TRPC5: variants seen among roughly 807,000 people sequenced by gnomAD.
TRPC5 encodes transient receptor potential cation channel subfamily C member 5, also known as short transient receptor potential channel 5.
A neutral mutation model predicts 56.5 loss-of-function variants in TRPC5; 9 were observed. That is an observed-to-expected ratio of 0.16 (90% CI 0.10 to 0.28). The LOEUF (loss-of-function observed/expected upper bound fraction) is 0.28. Among genes scored for constraint, TRPC5 ranks in the 10% least tolerant of loss-of-function variants. The probability of loss-of-function intolerance (pLI) is 1.00; values close to 1 mark genes in which losing one functional copy is unlikely to be tolerated. For synonymous variants in TRPC5, 282 were observed against 278.5 expected (o/e 1.01, Z -0.13); for missense variants, 469 against 748.9 (o/e 0.63, Z 4.36).
chrX:111,796,073 TG>T (rs1921081275), intron 7 of TRPC5, among the ~76,000 whole-genome samples: 1 of 112,283 alleles, frequency 8.9e-6, no homozygotes, highest in South Asian at 3.7e-4. Flanking sequence ...GTTGATTCTT[TG>T]TGTCAGTTCA....
At position 111,940,758 on chromosome X, in the gene TRPC5, G is replaced by T. The variant is rs1926755783; in HGVS notation, c.378+11285C>A. On this transcript the variant is annotated intron_variant, in intron 2 of 10. Transcript: ENST00000262839. The stretch of plus-strand genomic sequence containing the variant: ...ATGAGGTTATTCTTTTTCTCTAGCA[G>T]CTAAACAAGCACTGGGCTTGAGATA... 2.8e-5 allele frequency among the ~76,000 whole-genome samples: 3 copies of T among 107,027 alleles called. No homozygotes were observed. In the Admixed American group the frequency reaches 3.0e-4, roughly 11 times the overall value. 92.9% of individuals were successfully genotyped at this position (107,027 alleles called of 115,157 possible). A position where few individuals can be genotyped will look rare whatever the true frequency, so the allele number is the denominator to read the frequency against.
At chrX:111,958,842 T>G (rs1368220205) in intron 1 of TRPC5, among the ~76,000 whole-genome samples, 1 of 112,332 alleles carries the variant, frequency 8.9e-6, no homozygotes, top group Non-Finnish European at 1.9e-5. Context: ...CAAGTGATGC[T>G]CAATAAAATT....
At position 111,930,561 on chromosome X, in the gene TRPC5, G is replaced by A. The variant is rs181815563; in HGVS notation, c.379-17749C>T. 4.3e-3 allele frequency among the ~76,000 whole-genome samples: 475 copies of A among 110,861 alleles called. 1 individual carries two copies. The highest frequency in any genetic ancestry group is 6.4e-3 in the Non-Finnish European group (341 of 52,965). On this transcript the variant is annotated intron_variant, in intron 2 of 10. Transcript: ENST00000262839. ...GGTTGCAGTGAGCCGAAATTGCACC[G>A]CTGAACTCCAGCCTGGGCAACACAG...
intron 1 of TRPC5, among the ~76,000 whole-genome samples, chrX:112,027,310 G>A (rs988133939): frequency 4.5e-5 from 5 of 111,812 alleles, no homozygotes; most frequent in Non-Finnish European, 7.5e-5. Context: ...GTGTGTGCAT[G>A]ATTGGGAAGT....
intron 3 of TRPC5, among the ~76,000 whole-genome samples, chrX:111,909,812 AAAAG>A (rs1168038451): frequency 8.9e-6 from 1 of 111,806 alleles, no homozygotes. Flanking sequence ...CAAAAGGACT[AAAAG>A]AAAGAGGAAA....
chrX:111,814,199 C>A (rs1433808375), intron 7 of TRPC5, among the ~76,000 whole-genome samples: 2 of 111,500 alleles, frequency 1.8e-5, no homozygotes, highest in Non-Finnish European at 1.9e-5. Context: ...AAGCCTCCCT[C>A]AACCTTGTGG....
intron 1 of TRPC5, among the ~76,000 whole-genome samples, chrX:112,005,775 A>T (rs1471047516): frequency 8.9e-6 from 1 of 111,887 alleles, no homozygotes; most frequent in Admixed American, 9.5e-5. Context: ...CACTTCTGTG[A>T]CTACTTTGTG....
At chrX:111,994,042 C>T (rs1203612850) in intron 1 of TRPC5, among the ~76,000 whole-genome samples, 4 of 112,044 alleles carry the variant, frequency 3.6e-5, no homozygotes, top group African/African-American at 1.3e-4. Flanking sequence ...TTAGGACTAA[C>T]ATTTAAACCT....
At chrX:111,851,528 TG>T (rs1923085450) in intron 5 of TRPC5, among the ~76,000 whole-genome samples, 1 of 110,007 alleles carries the variant, frequency 9.1e-6, no homozygotes, top group African/African-American at 3.3e-5. Context: ...TGTGTGTGTG[TG>T]TGTGTGTGTG....
At chrX:112,065,515 A>T (rs1490482484) in intron 1 of TRPC5, among the ~76,000 whole-genome samples, 1 of 111,774 alleles carries the variant, frequency 8.9e-6, no homozygotes, top group Non-Finnish European at 1.9e-5. Context: ...CCTTGGCTTC[A>T]TGGTCTCTTC....
intron 1 of TRPC5, among the ~76,000 whole-genome samples, chrX:111,998,003 G>A (rs755791858): frequency 1.2e-4 from 13 of 111,203 alleles, no homozygotes; most frequent in Non-Finnish European, 1.7e-4. Flanking sequence ...TCAACTCATC[G>A]AAGTCATTCT....
chrX:112,026,963 G>C (rs1258563884), intron 1 of TRPC5, among the ~76,000 whole-genome samples: 1 of 110,003 alleles, frequency 9.1e-6, no homozygotes, highest in Non-Finnish European at 1.9e-5. Flanking sequence ...AAAGAAATTT[G>C]GGTCAAGGAG....
At chrX:111,942,731 T>A (rs1926813685) in intron 2 of TRPC5, among the ~76,000 whole-genome samples, 1 of 112,595 alleles carries the variant, frequency 8.9e-6, no homozygotes, top group African/African-American at 3.2e-5. Flanking sequence ...CGATTTATTT[T>A]CTTGATTTGA....
chrX:111,814,152 A>C (rs1214421031), intron 7 of TRPC5, among the ~76,000 whole-genome samples: 1 of 112,034 alleles, frequency 8.9e-6, no homozygotes, highest in Non-Finnish European at 1.9e-5. Context: ...ACTTGTTTAA[A>C]AAATATACAG....
At chrX:112,023,055 C>T (rs1929312950) in intron 1 of TRPC5, among the ~76,000 whole-genome samples, 1 of 109,530 alleles carries the variant, frequency 9.1e-6, no homozygotes, top group African/African-American at 3.3e-5. Context: ...CTGCCTCAGC[C>T]TCCCGAGTAG....
At chrX:111,916,695 T>C (rs1250054222) in intron 2 of TRPC5, among the ~76,000 whole-genome samples, 2 of 112,460 alleles carry the variant, frequency 1.8e-5, no homozygotes, top group African/African-American at 6.5e-5. Context: ...TCAGCTCCTG[T>C]AAATTGTCAT....
intron 1 of TRPC5, among the ~76,000 whole-genome samples, chrX:112,019,964 C>G (rs1929230368): frequency 8.9e-6 from 1 of 112,275 alleles, no homozygotes; most frequent in South Asian, 3.7e-4. Context: ...AACTTAAAGC[C>G]TAAAAACACT....
chrX:111,917,123 A>AG (rs775514014), intron 2 of TRPC5, among the ~76,000 whole-genome samples: 3 of 112,368 alleles, frequency 2.7e-5, no homozygotes, highest in Non-Finnish European at 5.6e-5. Context: ...AGCTCTCCAC[A>AG]GGGGAGGAAA....
At chrX:111,819,024 C>T (rs1320955939) in intron 7 of TRPC5, among the ~76,000 whole-genome samples, 1 of 111,796 alleles carries the variant, frequency 8.9e-6, no homozygotes, top group Non-Finnish European at 1.9e-5. Flanking sequence ...TAAAGATGTA[C>T]AGCTAGAAAC....
Sources: allele counts gnomAD v4.1 joint callset (sites outside exome capture counted in the v4.1 genomes callset), GRCh38; gene constraint gnomAD v4.1.1; transcripts MANE v1.5; gene names NCBI Gene and HGNC (gene_info 2026-07-23, HGNC 2026-07-21).